The following ST6GAL1 variants were observed in gnomAD, a reference collection of about 807,000 sequenced individuals.
ST6GAL1 encodes beta-galactoside alpha-2,6-sialyltransferase 1.
A neutral mutation model predicts 38.0 loss-of-function variants in ST6GAL1; 20 were observed. The ratio of observed to expected loss-of-function variants is 0.53; its 90% confidence interval spans 0.37 to 0.77. The LOEUF (loss-of-function observed/expected upper bound fraction) is 0.77. Among genes scored for constraint, ST6GAL1 ranks in the 30% least tolerant of loss-of-function variants. The probability of loss-of-function intolerance (pLI) is 0.00; values close to 1 mark genes in which losing one functional copy is unlikely to be tolerated. For missense variants in ST6GAL1, 432 were observed against 496.4 expected, an observed-to-expected ratio of 0.87 and a Z score of 1.23; for synonymous variants, 196 against 188.2, an observed-to-expected ratio of 1.04 and a Z score of -0.34.
chr3:187,039,945 C>T (rs1456281955), intron 3 of ST6GAL1, among the ~76,000 whole-genome samples: 1 of 152,200 alleles, frequency 6.6e-6, no homozygotes, highest in Non-Finnish European at 1.5e-5. Flanking sequence ...GCAAGACTGT[C>T]GCTAGACCCA....
chr3:187,002,399 A>G (rs1716649801), intron 2 of ST6GAL1, among the ~76,000 whole-genome samples: 1 of 152,228 alleles, frequency 6.6e-6, no homozygotes. Context: ...CAAAGAAATG[A>G]CCCAAAAGAC....
At chr3:187,071,716 C>G (rs1315620552) in intron 5 of ST6GAL1, among the ~76,000 whole-genome samples, 1 of 147,582 alleles carries the variant, frequency 6.8e-6, no homozygotes, top group Admixed American at 6.8e-5. Context: ...GCCGAGATCA[C>G]GCCACTGCAC....
At chr3:187,065,507 A>T (rs1719071950) in intron 5 of ST6GAL1, among the ~76,000 whole-genome samples, 1 of 152,352 alleles carries the variant, frequency 6.6e-6, no homozygotes, top group Non-Finnish European at 1.5e-5. Flanking sequence ...ATGAGAGTCA[A>T]CAGGAAAAAT....
chr3:187,050,695 C>G (rs1246117054), intron 4 of ST6GAL1, among the ~76,000 whole-genome samples: 2 of 152,140 alleles, frequency 1.3e-5, no homozygotes, highest in Non-Finnish European at 2.9e-5. Context: ...TTCTGTGACT[C>G]TTCCCTGGGC....
At chr3:186,951,149 G>A (rs527355598) in intron 1 of ST6GAL1, among the ~76,000 whole-genome samples, 102 of 152,174 alleles carry the variant, frequency 6.7e-4, no homozygotes, top group African/African-American at 2.0e-3. Flanking sequence ...GGTTCACTGC[G>A]TGCAGCCTCT....
intron 2 of ST6GAL1, among the ~76,000 whole-genome samples, chr3:187,012,262 T>C (rs1339696946): frequency 6.9e-6 from 1 of 144,612 alleles, no homozygotes; most frequent in East Asian, 2.0e-4. Context: ...TTTTCATTTT[T>C]TTTTTCTTTT....
chr3:187,017,950 A>G (rs1485731440), intron 2 of ST6GAL1, among the ~76,000 whole-genome samples: 1 of 152,142 alleles, frequency 6.6e-6, no homozygotes, highest in Non-Finnish European at 1.5e-5. Flanking sequence ...TATCTTCGGT[A>G]TTTCAGTAGA....
chr3:186,946,109 C>T (rs1714357405), intron 1 of ST6GAL1, among the ~76,000 whole-genome samples: 1 of 151,992 alleles, frequency 6.6e-6, no homozygotes, highest in Non-Finnish European at 1.5e-5. Flanking sequence ...AGTTCGAGCC[C>T]AGCCTAACCA....
chr3:187,012,700 A>G (rs1716996175), intron 2 of ST6GAL1, among the ~76,000 whole-genome samples: 1 of 152,202 alleles, frequency 6.6e-6, no homozygotes. Flanking sequence ...TGAAATCAAG[A>G]CTGGGTGCCA....
chr3:187,067,365 G>A lies in ST6GAL1; in HGVS notation c.706-5484G>A, dbSNP rs146233618. ...GCTTCCCAAAGTGCTGGGATTACAG[G>A]TGTGAGCCACTGCACCTGGCAAGGC... On this transcript the variant is annotated intron_variant, in intron 5 of 7. Coordinates refer to ENST00000169298, the MANE Select transcript of ST6GAL1 (RefSeq NM_173216.2). Among the ~76,000 whole-genome samples, 760 of 149,226 alleles carry A rather than the reference G, an allele frequency of 5.1e-3. 2 individuals are homozygous for A. The highest frequency in any genetic ancestry group is 7.4e-3 in the Non-Finnish European group (498 of 67,506).
At chr3:187,058,382 G>A (rs1451428612) in intron 5 of ST6GAL1, among the ~76,000 whole-genome samples, 9 of 152,258 alleles carry the variant, frequency 5.9e-5, no homozygotes, top group East Asian at 1.9e-4. Flanking sequence ...TTTGTCGATC[G>A]CGCTGGGAGC....
chr3:187,034,045 CAAA>C (rs1017480526), intron 2 of ST6GAL1, among the ~76,000 whole-genome samples: 2 of 152,050 alleles, frequency 1.3e-5, no homozygotes, highest in African/African-American at 4.8e-5. Flanking sequence ...AGAGAAGATA[CAAA>C]TAATCACAAC....
chr3:186,981,127 A>G (rs779342141), intron 2 of ST6GAL1, among the ~76,000 whole-genome samples: 17 of 152,268 alleles, frequency 1.1e-4, no homozygotes, highest in Non-Finnish European at 2.4e-4. Flanking sequence ...TAAATGTAGC[A>G]AAGTTCATCT....
chr3:186,974,507 T>G (rs1203584818), intron 2 of ST6GAL1, among the ~76,000 whole-genome samples: 1 of 152,200 alleles, frequency 6.6e-6, no homozygotes, highest in Non-Finnish European at 1.5e-5. Flanking sequence ...TCAACCCATG[T>G]TAAGTATACA....
In ST6GAL1 at chr3:186,988,634, G is replaced by T. The variant is rs551516500; in HGVS notation, c.-183+24708G>T. On this transcript the variant is annotated intron_variant, in intron 2 of 7. Coordinates refer to ENST00000169298, the MANE Select transcript of ST6GAL1 (RefSeq NM_173216.2). ...AGGACTTGTAAGAAAAGTTAGTGAG[G>T]TTATCAGTTGCTCACACTCTGTAAT... Among the ~76,000 whole-genome samples the T allele has an allele frequency of 5.3e-5, 8 of 151,680 alleles. No homozygotes were observed. The East Asian group carries it at 1.5e-3, about 29-fold the overall frequency.
chr3:187,041,096 C>A (rs1223299016), intron 3 of ST6GAL1, among the ~76,000 whole-genome samples: 1 of 152,210 alleles, frequency 6.6e-6, no homozygotes. Context: ...TTCAGAATAC[C>A]TTCTGTGCCT....
At chr3:186,937,512 GC>G (rs1253968202) in intron 1 of ST6GAL1, among the ~76,000 whole-genome samples, 1 of 152,172 alleles carries the variant, frequency 6.6e-6, no homozygotes, top group Non-Finnish European at 1.5e-5. Flanking sequence ...TGTTAAATGA[GC>G]AACTCCAAGG....
At chr3:186,932,576 G>T (rs894478652) in intron 1 of ST6GAL1, among the ~76,000 whole-genome samples, 6 of 152,144 alleles carry the variant, frequency 3.9e-5, no homozygotes, top group Non-Finnish European at 8.8e-5. Flanking sequence ...CCTCAAATTG[G>T]AATAAGGCCA....
intron 2 of ST6GAL1, among the ~76,000 whole-genome samples, chr3:187,010,216 A>C (rs967864041): frequency 6.6e-6 from 1 of 152,156 alleles, no homozygotes; most frequent in African/African-American, 2.4e-5. Context: ...GGTCATTTTT[A>C]ATGCTTTGAT....
Sources: allele counts gnomAD v4.1 joint callset (sites outside exome capture counted in the v4.1 genomes callset), GRCh38; gene constraint gnomAD v4.1.1; transcripts MANE v1.5; gene names NCBI Gene and HGNC (gene_info 2026-07-23, HGNC 2026-07-21).